COPS5: variants seen among roughly 807,000 people sequenced by gnomAD.
COPS5 encodes the protein COP9 signalosome complex subunit 5.
In COPS5, 8 loss-of-function variants were observed where a neutral mutation model predicts 44.4. That is an observed-to-expected ratio of 0.18 (90% CI 0.11 to 0.32). The LOEUF is 0.32. Ranked by LOEUF, COPS5 falls within the 10% of genes least tolerant of loss-of-function variation. The pLI is 1.00. For synonymous variants in COPS5, 122 were observed against 142.8 expected, an observed-to-expected ratio of 0.85 and a Z score of 1.04; for missense variants, 159 against 406.4, an observed-to-expected ratio of 0.39 and a Z score of 5.23.
At position 67,061,614 on chromosome 8, in the gene COPS5, C is replaced by T. The variant is rs1804630551; in HGVS notation, c.143+240G>A. ...CAATACGGATGTTCAGAAGTGACAACTTAAATCACCGCTTGTTGTTCTCCC... is the reference window on the plus strand; with the variant it reads ...CAATACGGATGTTCAGAAGTGACAATTTAAATCACCGCTTGTTGTTCTCCC... On this transcript the variant is annotated intron_variant, in intron 1 of 7. Coordinates refer to ENST00000357849, the MANE Select transcript of COPS5 (RefSeq NM_006837.3). 7.6e-6 allele frequency: 4 copies of T among 528,754 alleles called. No individual in the cohort carries two copies. The Admixed American group carries it at 9.5e-5, about 13-fold the overall frequency. 32.8% of individuals were successfully genotyped at this position (528,754 alleles called of 1,614,324 possible).
intron 5 of COPS5, 56 bp from the exon 6 acceptor site, chr8:67,051,397 C>T: frequency 1.1e-6 from 1 of 932,678 alleles, no homozygotes; most frequent in Non-Finnish European, 1.7e-6. Context: ...AACTACGTCA[C>T]ATAAAACTTA....
rs879068268 is a variant in COPS5, at chr8:67,061,735, T to C, written c.143+119A>G. On this transcript the variant is annotated intron_variant, in intron 1 of 7. Coordinates refer to ENST00000357849, the MANE Select transcript of COPS5 (RefSeq NM_006837.3). ...GCTCTACTTGCAGATCCAAGACGCA[T>C]ATTCTGTCCCCCTCCCAGTCGGTGA... is the stretch of plus-strand genomic sequence containing the variant. 23 of 1,000,210 alleles carry C rather than the reference T, an allele frequency of 2.3e-5. No homozygotes were observed. The South Asian group carries it at 2.8e-4, about 12-fold the overall frequency. 62.0% of individuals were successfully genotyped at this position (1,000,210 alleles called of 1,614,324 possible). A position where few individuals can be genotyped will look rare whatever the true frequency, so the allele number is the denominator to read the frequency against.
Position 67,043,250 on chromosome 8 carries a change from G to T in COPS5, c.988C>A (p.Gln330Lys). The T allele has an allele frequency of 1.9e-6, 3 of 1,570,990 alleles. No individual in the cohort carries two copies. The South Asian group carries it at 3.4e-5, about 18-fold the overall frequency. The stretch of plus-strand genomic sequence containing the variant: ...GAGACTGTTTAAGAGATGTTAATTT[G>T]ATTAAACAGTTTATCCTTAATAACC... ...SQVIKDKLFN[Q>K]INIS Residue 330 changes from glutamine (Q) to lysine (K), a missense_variant, in exon 8 of 8, where the codon CAA becomes AAA. Transcript: ENST00000357849.
intron 6 of COPS5, chr8:67,047,744 G>A: frequency 1.4e-6 from 1 of 700,140 alleles, no homozygotes; most frequent in Non-Finnish European, 2.6e-6. Context: ...ACAGACATTG[G>A]GCTGAGTAGG....
chr8:67,061,947 T>C lies in COPS5; in HGVS notation c.50A>G (p.Asn17Ser), dbSNP rs148576713. 8.7e-6 allele frequency: 14 copies of C among 1,614,148 alleles called. No individual in the cohort carries two copies. The Admixed American group carries it at 1.8e-4, about 21-fold the overall frequency. The change falls in exon 1 of 8, where the codon AAC becomes AGC. Residue 17 changes from asparagine to serine, a missense_variant. Physicochemically the swap from Asn to Ser is conservative, Grantham distance 46 (BLOSUM62 1). Around this residue, in one of 2 missense-constraint regions of COPS5, gnomAD observed 25 missense variants for 29.7 expected, o/e 0.84. Transcript: ENST00000357849. Reference protein sequence around the residue: ...GMAQKTWELANNMQEAQSIDE... With the variant: ...GMAQKTWELASNMQEAQSIDE... ...GATACTCTGAGCTTCCTGCATGTTG[T>C]TGGCCAGTTCCCAGGTTTTCTGGGC... is the stretch of plus-strand genomic sequence containing the variant.
Position 67,053,094 on chromosome 8 carries a change from A to T in COPS5, c.660-1753T>A, listed in dbSNP as rs1420058784. On this transcript the variant is annotated intron_variant, in intron 5 of 7. Coordinates refer to ENST00000357849, the MANE Select transcript of COPS5 (RefSeq NM_006837.3). ...GACACATAGGCACCCTTTTAAAAAC[A>T]GAATGCTTTTTCTGAGCCGCAATCT... Among the ~76,000 whole-genome samples the T allele has an allele frequency of 2.6e-5, 4 of 152,024 alleles. No individual in the cohort carries two copies. The East Asian group carries it at 7.9e-4, about 30-fold the overall frequency.
rs1011622993 is a variant in COPS5, at chr8:67,060,605, T to G, written c.144-1160A>C. On this transcript the variant is annotated intron_variant, in intron 1 of 7. Transcript: ENST00000357849. ...CTATTACATACATTCTAGACGACTC[T>G]TTTTATACATTATCTCACCTAATCT... is the stretch of plus-strand genomic sequence containing the variant. 55 of 708,098 alleles carry G rather than the reference T, an allele frequency of 7.8e-5. No individual in the cohort carries two copies. In the East Asian group the frequency reaches 3.2e-3, roughly 41 times the overall value. 43.9% of individuals were successfully genotyped at this position (708,098 alleles called of 1,614,324 possible).
chr8:67,050,290 C>T (rs975582755), intron 6 of COPS5, among the ~76,000 whole-genome samples: 4 of 152,180 alleles, frequency 2.6e-5, no homozygotes, highest in South Asian at 2.1e-4. Flanking sequence ...CGTAAGCCAC[C>T]GCGCCCGGCC....
At chr8:67,046,824 C>CAAAAAA (rs771868140) in intron 6 of COPS5, among the ~76,000 whole-genome samples, 287 of 42,656 alleles carry the variant, frequency 6.7e-3, no homozygotes, top group East Asian at 9.9e-3. Flanking sequence ...ACTCTGTCTC[C>CAAAAAA]AAAAAAAAAA....
intron 5 of COPS5, among the ~76,000 whole-genome samples, chr8:67,055,013 A>G (rs1804482074): frequency 6.6e-6 from 1 of 152,198 alleles, no homozygotes; most frequent in East Asian, 1.9e-4. Context: ...ACTAATGAAC[A>G]TTTTCTGTTA....
At chr8:67,060,857 T>TC in intron 1 of COPS5, 1 of 181,136 alleles carries the variant, frequency 5.5e-6, no homozygotes. Flanking sequence ...CTGTACTGGG[T>TC]TGTCATGAAA....
At chr8:67,060,097 G>A (rs370863973) in intron 1 of COPS5, 1 of 175,678 alleles carries the variant, frequency 5.7e-6, no homozygotes, top group African/African-American at 2.4e-5. Flanking sequence ...GTGTTGAAGG[G>A]TGGGCTTCCC....
In COPS5 at chr8:67,059,247, A is replaced by G. The variant is rs752209482; in HGVS notation, c.342T>C (p.Tyr114=). 6 of 1,614,042 alleles carry G rather than the reference A, an allele frequency of 3.7e-6. No homozygotes were observed. Among genetic ancestry groups the G allele is most frequent in the Admixed American group, 1.7e-5 (1 of 60,000 alleles). Residue 114 remains tyrosine (Y), a synonymous_variant, in exon 2 of 8, where the codon TAT becomes TAC. Coordinates refer to ENST00000357849, the MANE Select transcript of COPS5 (RefSeq NM_006837.3). ...ETRVNAQAAA[Y]EYMAAYIENA... ...TTTCTATGTATGCAGCCATGTATTC[A>G]TATGCAGCAGCCTGAGCATTTACTC...
At chr8:67,054,183 A>C (rs909153758) in intron 5 of COPS5, among the ~76,000 whole-genome samples, 2 of 151,162 alleles carry the variant, frequency 1.3e-5, no homozygotes, top group African/African-American at 4.9e-5. Context: ...CACGATCTTA[A>C]AAAAAAAAGT....
At chr8:67,061,128 G>C in intron 1 of COPS5, 1 of 180,078 alleles carries the variant, frequency 5.6e-6, no homozygotes, top group East Asian at 1.7e-4. Context: ...AAATATTATG[G>C]GTAAAGATCC....
chr8:67,061,433 AAAAAG>A, intron 1 of COPS5: 1 of 447,288 alleles, frequency 2.2e-6, no homozygotes, highest in South Asian at 1.6e-5. Flanking sequence ...CTATTAAAAA[AAAAAG>A]AAAAGAAAAT....
At chr8:67,056,683 AT>A (rs2129537963) in intron 4 of COPS5, 79 bp from the exon 5 acceptor site, 1 of 127,388 alleles carries the variant, frequency 7.9e-6, no homozygotes, top group African/African-American at 3.7e-5. Context: ...ATATATATAT[AT>A]ATATATATAT....
Position 67,056,535 on chromosome 8 carries a change from C to A in COPS5, c.643G>T (p.Gly215Cys). ...ATTACTTACTGTTTGCAGTGTACAC[C>A]AAAATCTTCTATTTTATTAAGTGGA... ...TIPLNKIEDF[G>C]VHCKQYYALE... The change falls in exon 5 of 8, where the codon GGT (glycine) becomes TGT (cysteine). Residue 215 changes from glycine (G) to cysteine (C), a missense_variant. Gly to Cys is a radical substitution (Grantham distance 159). Around this residue, in one of 2 missense-constraint regions of COPS5, gnomAD observed 134 missense variants for 376.7 expected, o/e 0.36. Transcript: ENST00000357849. 1 of 1,425,708 alleles carries A rather than the reference C, an allele frequency of 7.0e-7. No individual in the cohort carries two copies. The highest frequency in any genetic ancestry group is 9.6e-7 in the Non-Finnish European group (1 of 1,045,086). 88.3% of individuals were successfully genotyped at this position (1,425,708 alleles called of 1,614,324 possible).
chr8:67,062,099 C>G lies in COPS5; in HGVS notation c.-103G>C. On this transcript the variant is annotated 5_prime_UTR_variant, in exon 1 of 8. Transcript: ENST00000357849. ...TGACCCTCCGCACCACGGGAACAAA[C>G]TCTTACCTAGACTCTTGGGGCAGCC... The G allele has an allele frequency of 6.3e-6, 10 of 1,576,948 alleles. No homozygotes were observed. Among genetic ancestry groups the G allele is most frequent in the East Asian group, 2.3e-5 (1 of 43,360 alleles).
Sources: allele counts gnomAD v4.1 joint callset (sites outside exome capture counted in the v4.1 genomes callset), GRCh38; gene constraint gnomAD v4.1.1; regional missense constraint gnomAD v4.1.1; transcripts MANE v1.5; gene names NCBI Gene and HGNC (gene_info 2026-07-23, HGNC 2026-07-21).